The following AMZ1 variants were observed in gnomAD, a reference collection of about 807,000 sequenced individuals.
AMZ1 encodes the protein archaelysin family metallopeptidase 1.
AMZ1 carries 39 observed loss-of-function variants against 29.9 expected under a neutral mutation model. The ratio of observed to expected loss-of-function variants is 1.30; its 90% CI spans 1.01 to 1.70. The LOEUF is 1.70. AMZ1 is among the 40% of genes most tolerant of loss of function. AMZ1 has a pLI of 0.00. For synonymous variants in AMZ1, 458 were observed against 304.0 expected, an observed-to-expected ratio of 1.51 and a Z score of -5.27; for missense variants, 1,041 against 680.6, an observed-to-expected ratio of 1.53 and a Z score of -5.89.
chr7:2,743,802 G>C (rs947111895), intron 4 of AMZ1, among the ~76,000 whole-genome samples: 2 of 152,108 alleles, frequency 1.3e-5, no homozygotes, highest in African/African-American at 4.8e-5. Context: ...ATAGCACCTG[G>C]AAAATTGGGT....
chr7:2,685,440 C>T (rs538966491), upstream of AMZ1, among the ~76,000 whole-genome samples: 11 of 151,868 alleles, frequency 7.2e-5, no homozygotes, highest in East Asian at 3.9e-4. Context: ...CACCTGTAAT[C>T]GCAGCTACTT....
chr7:2,756,151 T>A (rs1236110074), intron 4 of AMZ1, among the ~76,000 whole-genome samples: 5 of 152,064 alleles, frequency 3.3e-5, no homozygotes. Flanking sequence ...CCCCCACATA[T>A]ATGGCCAATT....
At chr7:2,728,006 C>CA (rs747981298) in intron 4 of AMZ1, 3,014 of 65,236 alleles carry the variant, frequency 0.046, 74 homozygotes, top group African/African-American at 0.088. Flanking sequence ...GACTCTGTCT[C>CA]AAAAAAAAAA....
chr7:2,712,851 C>A lies in AMZ1; in HGVS notation c.1470C>A (p.Pro490=), dbSNP rs777152990. 1 of 1,524,774 alleles carries A rather than the reference C, an allele frequency of 6.6e-7. No individual in the cohort carries two copies. 94.5% of individuals were successfully genotyped at this position (1,524,774 alleles called of 1,614,324 possible). A position where few individuals can be genotyped will look rare whatever the true frequency, so the allele number is the denominator to read the frequency against. Residue 490 remains proline (P), a synonymous_variant, in exon 7 of 7, where the codon CCC becomes CCA. Transcript: ENST00000683327. ...AACTCGCCAGAGCAGAGTCGGCCCCCCGTCCCTGGGATGGGGAAGAGAGTT... is the reference window on the plus strand; with the variant it reads ...AACTCGCCAGAGCAGAGTCGGCCCCACGTCCCTGGGATGGGGAAGAGAGTT... ...ARKLARAESA[P]RPWDGEES
At chr7:2,711,249 C>T (rs1296366878) in intron 6 of AMZ1, among the ~76,000 whole-genome samples, 1 of 152,196 alleles carries the variant, frequency 6.6e-6, no homozygotes, top group Non-Finnish European at 1.5e-5. Context: ...GTGAGGTCAC[C>T]TGCTGTCCCA....
In AMZ1 at chr7:2,712,215, G is replaced by A. The variant is rs376331809; in HGVS notation, c.949-115G>A. ...CCCTCACACCACCAGCCTGACTCCC[G>A]CCCCTGGGTAACTGAGGACGGTGGG... is the stretch of plus-strand genomic sequence containing the variant. On this transcript the variant is annotated intron_variant, in intron 6 of 6. Coordinates refer to ENST00000683327, the MANE Select transcript of AMZ1 (RefSeq NM_001384743.1). The A allele has an allele frequency of 6.5e-4, 741 of 1,146,524 alleles. 6 individuals carry two copies. In the African/African-American group the frequency reaches 0.01, roughly 16 times the overall value. 71.0% of individuals were successfully genotyped at this position (1,146,524 alleles called of 1,614,324 possible).
At chr7:2,705,889 T>C (rs568925255) in intron 3 of AMZ1, among the ~76,000 whole-genome samples, 1 of 152,262 alleles carries the variant, frequency 6.6e-6, no homozygotes, top group South Asian at 2.1e-4. Context: ...CAGCCTCAGC[T>C]CTCCTCACCT....
In AMZ1 at chr7:2,704,554, C is replaced by G. The variant is rs12333374; in HGVS notation, c.472+1665C>G. ...GTCATGTTTGTGAGTTCTACAGTTT[C>G]CAGTGGATTCTTTTTGAAATTAGCA... On this transcript the variant is annotated intron_variant, in intron 3 of 6. Coordinates refer to ENST00000683327, the MANE Select transcript of AMZ1 (RefSeq NM_001384743.1). Among the ~76,000 whole-genome samples, 929 of 143,128 alleles carry G rather than the reference C, an allele frequency of 6.5e-3. 10 individuals are homozygous for G. The highest frequency in any genetic ancestry group is 0.024 in the African/African-American group (886 of 37,306). 93.9% of individuals were successfully genotyped at this position (143,128 alleles called of 152,430 possible). A position where few individuals can be genotyped will look rare whatever the true frequency, so the allele number is the denominator to read the frequency against.
intron 2 of AMZ1, chr7:2,702,374 G>C (rs1293013199): frequency 4.0e-6 from 1 of 250,580 alleles, no homozygotes; most frequent in Non-Finnish European, 7.6e-6. Context: ...TTTGCAGCGA[G>C]GTGGCTCGGC....
chr7:2,705,531 A>T (rs1204839666), intron 3 of AMZ1, among the ~76,000 whole-genome samples: 2 of 152,046 alleles, frequency 1.3e-5, no homozygotes, highest in Non-Finnish European at 2.9e-5. Flanking sequence ...TTTCTCCTTA[A>T]TCCACTCCTC....
chr7:2,679,916 C>A (rs1786823139), intron 1 of AMZ1, among the ~76,000 whole-genome samples: 1 of 152,206 alleles, frequency 6.6e-6, no homozygotes, highest in African/African-American at 2.4e-5. Context: ...GGAGGCCCAG[C>A]TGGGGGTGAA....
Position 2,719,654 on chromosome 7 carries a change from C to A in AMZ1, c.*6776C>A, listed in dbSNP as rs553607350. 9.9e-5 allele frequency among the ~76,000 whole-genome samples: 15 copies of A among 151,614 alleles called. No homozygotes were observed. The South Asian group carries it at 1.2e-3, about 13-fold the overall frequency. On this transcript the variant is annotated 3_prime_UTR_variant, in exon 7 of 7. Transcript: ENST00000683327. ...AATGCTTACATCTTACATTTTCATT[C>A]TCAAAATTAATAAATGCTATCAACC...
At chr7:2,762,915 A>G, upstream of AMZ1, 1 of 1,411,754 alleles carries the variant, frequency 7.1e-7, no homozygotes, top group Non-Finnish European at 9.3e-7. Flanking sequence ...AGAAGAGGCC[A>G]CAGGCGGGGA....
chr7:2,759,432 G>T (rs1389480450), intron 4 of AMZ1, among the ~76,000 whole-genome samples: 1 of 152,202 alleles, frequency 6.6e-6, no homozygotes, highest in Non-Finnish European at 1.5e-5. Context: ...CTGTCCATGT[G>T]ACAGATGGGA....
At chr7:2,727,160 C>T (rs904354945) in intron 4 of AMZ1, among the ~76,000 whole-genome samples, 2 of 152,178 alleles carry the variant, frequency 1.3e-5, no homozygotes, top group African/African-American at 4.8e-5. Flanking sequence ...CGGCTCACTG[C>T]AACCTCTGCC....
At chr7:2,683,513 C>A (rs1197127994), upstream of AMZ1, among the ~76,000 whole-genome samples, 2 of 152,166 alleles carry the variant, frequency 1.3e-5, no homozygotes, top group Non-Finnish European at 2.9e-5. Context: ...TCTCGGCTCA[C>A]TGCAAGCTCC....
At chr7:2,724,493 G>C (rs1168183332), downstream of AMZ1, among the ~76,000 whole-genome samples, 1 of 152,244 alleles carries the variant, frequency 6.6e-6, no homozygotes, top group Non-Finnish European at 1.5e-5. Flanking sequence ...CCAGGCAAGA[G>C]ACGGGAAGCC....
intron 1 of AMZ1, among the ~76,000 whole-genome samples, chr7:2,697,126 A>G (rs1787791528): frequency 6.6e-6 from 1 of 152,216 alleles, no homozygotes; most frequent in African/African-American, 2.4e-5. Flanking sequence ...TTTTTGAGAC[A>G]GAGCCTTGCT....
At chr7:2,733,163 G>A (rs1346163211) in intron 4 of AMZ1, among the ~76,000 whole-genome samples, 1 of 152,180 alleles carries the variant, frequency 6.6e-6, no homozygotes, top group East Asian at 1.9e-4. Context: ...TTGTTTTTGA[G>A]TATGTTTGAA....
Sources: gnomAD v4.1 joint callset for allele counts (sites outside exome capture counted in the v4.1 genomes callset) on GRCh38, gnomAD v4.1.1 for gene constraint, MANE v1.5 for transcripts, NCBI Gene and HGNC (gene_info 2026-07-23, HGNC 2026-07-21) for gene names.